The following ZDHHC14 variants were observed in gnomAD, a reference collection of about 807,000 sequenced individuals.
ZDHHC14 encodes the protein palmitoyltransferase ZDHHC14.
In ZDHHC14, 16 loss-of-function variants were observed where a neutral mutation model predicts 47.7. The observed-to-expected ratio is 0.34, with a 90% CI of 0.23 to 0.51. The LOEUF is 0.51. Among genes scored for constraint, ZDHHC14 ranks in the 20% least tolerant of loss-of-function variants. The pLI, the probability that ZDHHC14 is intolerant of heterozygous loss-of-function variation, is 0.97. For missense variants in ZDHHC14, 515 were observed against 662.5 expected, an observed-to-expected ratio of 0.78 and a Z score of 2.44; for synonymous variants, 293 against 278.9, an observed-to-expected ratio of 1.05 and a Z score of -0.50.
At chr6:157,511,547 CTT>C (rs34988240) in intron 1 of ZDHHC14, among the ~76,000 whole-genome samples, 150 of 114,856 alleles carry the variant, frequency 1.3e-3, no homozygotes, top group East Asian at 3.0e-3. Context: ...AGCCCGGGTA[CTT>C]TTTTTTTTTT....
At chr6:157,653,162 T>C in intron 7 of ZDHHC14, among the ~76,000 whole-genome samples, 1 of 152,086 alleles carries the variant, frequency 6.6e-6, no homozygotes, top group Non-Finnish European at 1.5e-5. Context: ...GCTGAGTGAA[T>C]GTAGTAAGAA....
intron 1 of ZDHHC14, among the ~76,000 whole-genome samples, chr6:157,504,864 G>T (rs1485879257): frequency 1.3e-5 from 2 of 152,154 alleles, no homozygotes; most frequent in Non-Finnish European, 2.9e-5. Flanking sequence ...AGGCTGGAAT[G>T]TAATGGTGCA....
At chr6:157,635,757 G>T (rs1024857760) in intron 5 of ZDHHC14, among the ~76,000 whole-genome samples, 9 of 152,210 alleles carry the variant, frequency 5.9e-5, no homozygotes, top group African/African-American at 2.2e-4. Context: ...TGGCAGTAGC[G>T]TGCTGGCCGT....
intron 1 of ZDHHC14, among the ~76,000 whole-genome samples, chr6:157,423,257 G>A (rs190631707): frequency 2.2e-4 from 34 of 152,348 alleles, no homozygotes; most frequent in African/African-American, 7.5e-4. Context: ...TGGCCGGATA[G>A]TCACAGCTGA....
At chr6:157,464,380 T>TA (rs1459745909) in intron 1 of ZDHHC14, among the ~76,000 whole-genome samples, 1 of 152,366 alleles carries the variant, frequency 6.6e-6, no homozygotes, top group East Asian at 1.9e-4. Context: ...CTCCTCTGAC[T>TA]AAAAAGAGTT....
At chr6:157,579,683 T>A (rs987652146) in intron 2 of ZDHHC14, among the ~76,000 whole-genome samples, 2 of 152,204 alleles carry the variant, frequency 1.3e-5, no homozygotes, top group African/African-American at 4.8e-5. Flanking sequence ...ATTTGGCTCT[T>A]GGTTTGGATG....
At chr6:157,640,261 G>C (rs1449022487) in intron 5 of ZDHHC14, among the ~76,000 whole-genome samples, 2 of 152,128 alleles carry the variant, frequency 1.3e-5, no homozygotes, top group Non-Finnish European at 2.9e-5. Flanking sequence ...TTAAAATGTG[G>C]AGAGTTTTTT....
At chr6:157,665,516 A>G (rs761129457) in intron 8 of ZDHHC14, among the ~76,000 whole-genome samples, 2 of 152,210 alleles carry the variant, frequency 1.3e-5, no homozygotes, top group Non-Finnish European at 2.9e-5. Flanking sequence ...TTTGCCTGCC[A>G]TCTTATTTTA....
At position 157,410,941 on chromosome 6, in the gene ZDHHC14, C is replaced by T. The variant is rs191252262; in HGVS notation, c.245+28675C>T. Among the ~76,000 whole-genome samples the T allele has an allele frequency of 1.6e-3, 243 of 152,252 alleles. 1 individual carries two copies. The highest frequency in any genetic ancestry group is 5.2e-3 in the African/African-American group (216 of 41,542). On this transcript the variant is annotated intron_variant, in intron 1 of 8. Transcript: ENST00000359775. ...CGATCTTCTGACCTCGTGATCTGCC[C>T]GCTTCATCCTCCTAAAGTGCTGGGA...
chr6:157,492,008 G>T (rs1779930707), intron 1 of ZDHHC14, among the ~76,000 whole-genome samples: 1 of 152,238 alleles, frequency 6.6e-6, no homozygotes. Context: ...GGGAAGCCGG[G>T]GCTCCCCGCC....
At position 157,635,987 on chromosome 6, in the gene ZDHHC14, C is replaced by T. The variant is rs143747053; in HGVS notation, c.752+3105C>T. ...CATCTGGGTGCTGACTCTTTCCTCC[C>T]ACAGCCAGGCGCTCCCCCTTGCAGG... On this transcript the variant is annotated intron_variant, in intron 5 of 8. Coordinates refer to ENST00000359775, the MANE Select transcript of ZDHHC14 (RefSeq NM_024630.3). 5.3e-3 allele frequency among the ~76,000 whole-genome samples: 810 copies of T among 152,234 alleles called. 1 individual carries two copies. Among genetic ancestry groups the T allele is most frequent in the African/African-American group, 0.018 (739 of 41,522 alleles).
At chr6:157,550,095 A>G (rs1312308446) in intron 2 of ZDHHC14, among the ~76,000 whole-genome samples, 2 of 152,220 alleles carry the variant, frequency 1.3e-5, no homozygotes, top group Non-Finnish European at 2.9e-5. Context: ...CCTTACAGGA[A>G]GAGAAATTGA....
At chr6:157,525,424 C>T (rs1398355079) in intron 1 of ZDHHC14, among the ~76,000 whole-genome samples, 7 of 152,146 alleles carry the variant, frequency 4.6e-5, no homozygotes, top group African/African-American at 1.4e-4. Context: ...CCTCGGCCTC[C>T]CAAACTTCTG....
intron 1 of ZDHHC14, among the ~76,000 whole-genome samples, chr6:157,465,914 T>G (rs1399575659): frequency 6.6e-6 from 1 of 152,012 alleles, no homozygotes; most frequent in South Asian, 2.1e-4. Context: ...TGGTGGCGGG[T>G]GCCTGTAATC....
intron 1 of ZDHHC14, among the ~76,000 whole-genome samples, chr6:157,407,481 C>A (rs1777787653): frequency 1.3e-5 from 2 of 152,228 alleles, no homozygotes; most frequent in African/African-American, 4.8e-5. Flanking sequence ...AACTTCCCAG[C>A]AGTCCCCTAG....
intron 1 of ZDHHC14, among the ~76,000 whole-genome samples, chr6:157,426,740 G>A (rs1314342027): frequency 6.6e-6 from 1 of 152,210 alleles, no homozygotes; most frequent in Non-Finnish European, 1.5e-5. Flanking sequence ...GCTGGAAGCC[G>A]CACTAGGAGG....
chr6:157,549,885 G>C (rs1165437238), intron 2 of ZDHHC14, among the ~76,000 whole-genome samples: 1 of 152,222 alleles, frequency 6.6e-6, no homozygotes, highest in Admixed American at 6.5e-5. Flanking sequence ...CCATGTGTTG[G>C]AATTGAAGCC....
chr6:157,532,131 C>A (rs1364795225), intron 1 of ZDHHC14, among the ~76,000 whole-genome samples: 1 of 152,246 alleles, frequency 6.6e-6, no homozygotes, highest in East Asian at 1.9e-4. Context: ...CACCAGCAGC[C>A]ACACCCCTGG....
intron 1 of ZDHHC14, among the ~76,000 whole-genome samples, chr6:157,506,954 G>A (rs921700118): frequency 2.0e-5 from 3 of 151,876 alleles, no homozygotes; most frequent in Non-Finnish European, 4.4e-5. Context: ...TAGTTTAAAA[G>A]GCCAAATTGT....
Sources: allele counts gnomAD v4.1 joint callset (sites outside exome capture counted in the v4.1 genomes callset), GRCh38; gene constraint gnomAD v4.1.1; transcripts MANE v1.5; gene names NCBI Gene and HGNC (gene_info 2026-07-23, HGNC 2026-07-21).